Variants in KCNJ12 observed in about 807,000 individuals in gnomAD.
KCNJ12 encodes ATP-sensitive inward rectifier potassium channel 12.
In KCNJ12, 2 loss-of-function variants were observed where a neutral mutation model predicts 22.3. That is an observed-to-expected ratio of 0.09 (90% confidence interval 0.04 to 0.28). KCNJ12 has a LOEUF of 0.28. KCNJ12 is among the 10% of genes least tolerant of loss of function. The probability of loss-of-function intolerance (pLI) is 1.00; values close to 1 mark genes in which losing one functional copy is unlikely to be tolerated. For missense variants in KCNJ12, 155 were observed against 633.3 expected, an observed-to-expected ratio of 0.24 and a Z score of 8.11; for synonymous variants, 117 against 261.4, an observed-to-expected ratio of 0.45 and a Z score of 5.33.
intron 1 of KCNJ12, among the ~76,000 whole-genome samples, chr17:21,379,689 A>G (rs1180714003): frequency 6.7e-6 from 1 of 149,216 alleles, no homozygotes; most frequent in Non-Finnish European, 1.5e-5. Context: ...TGGCAGCGTG[A>G]TGGGGACACG....
rs149095815 is a variant in KCNJ12, at chr17:21,415,660, G to A, written c.318G>A (p.Ala106=). The change falls in exon 3 of 3, where the codon GCG becomes GCA. Residue 106 remains alanine, a synonymous_variant. Transcript: ENST00000583088. ...TCGGCATCATCTTCTGGGTCATCGC[G>A]GTGGCACACGGTGACCTGGAGCCGG... The part of the protein sequence containing the change: ...LLFGIIFWVI[A]VAHGDLEPAE... 1.2e-5 allele frequency: 20 copies of A among 1,613,224 alleles called. No homozygotes were observed. Among genetic ancestry groups the A allele is most frequent in the Middle Eastern group, 1.6e-4 (1 of 6,062 alleles).
intron 1 of KCNJ12, among the ~76,000 whole-genome samples, chr17:21,388,771 G>T (rs1417875134): frequency 6.6e-6 from 1 of 152,358 alleles, no homozygotes; most frequent in African/African-American, 2.4e-5. Flanking sequence ...AAGGAGTGGG[G>T]CTTGAGAGAT....
chr17:21,401,662 G>T (rs1280816498), intron 1 of KCNJ12, among the ~76,000 whole-genome samples: 1 of 152,242 alleles, frequency 6.6e-6, no homozygotes, highest in East Asian at 1.9e-4. Context: ...GAGTGGCCTT[G>T]GGTGGGCTGC....
At chr17:21,388,413 C>T (rs1597558692) in intron 1 of KCNJ12, among the ~76,000 whole-genome samples, 1 of 152,206 alleles carries the variant, frequency 6.6e-6, no homozygotes, top group African/African-American at 2.4e-5. Context: ...ATACCTGTGA[C>T]CCCCTTGCCA....
intron 1 of KCNJ12, among the ~76,000 whole-genome samples, chr17:21,400,653 G>T (rs1365624360): frequency 6.6e-6 from 1 of 152,312 alleles, no homozygotes; most frequent in Non-Finnish European, 1.5e-5. Context: ...CTGGCCCTGA[G>T]CTGGCAGGTG....
At chr17:21,411,062 C>T (rs1209405103) in intron 2 of KCNJ12, among the ~76,000 whole-genome samples, 4 of 152,312 alleles carry the variant, frequency 2.6e-5, no homozygotes, top group African/African-American at 9.6e-5. Flanking sequence ...GTGATGCAGG[C>T]GCCTGCACTC....
intron 1 of KCNJ12, among the ~76,000 whole-genome samples, chr17:21,397,914 T>G (rs1156353756): frequency 6.6e-6 from 1 of 152,154 alleles, no homozygotes; most frequent in Non-Finnish European, 1.5e-5. Flanking sequence ...CCCTCCCTTC[T>G]CCTTTTCTTC....
At position 21,387,487 on chromosome 17, in the gene KCNJ12, C is replaced by T. The variant is rs556982235; in HGVS notation, c.-179+10574C>T. Among the ~76,000 whole-genome samples the T allele has an allele frequency of 9.7e-4, 140 of 144,306 alleles. 1 individual carries two copies. The highest frequency in any genetic ancestry group is 1.1e-3 in the Non-Finnish European group (76 of 66,190). 94.7% of individuals were successfully genotyped at this position (144,306 alleles called of 152,430 possible). ...AAAAGAAACGTTCTCTTTTTTAGAACCATACTTTGGAGACATCGAGCGCTG... is the reference window on the plus strand; with the variant it reads ...AAAAGAAACGTTCTCTTTTTTAGAATCATACTTTGGAGACATCGAGCGCTG... On this transcript the variant is annotated intron_variant, in intron 1 of 2. Transcript: ENST00000583088.
At chr17:21,389,869 A>G (rs1217486662) in intron 1 of KCNJ12, among the ~76,000 whole-genome samples, 1 of 152,046 alleles carries the variant, frequency 6.6e-6, no homozygotes, top group East Asian at 1.9e-4. Flanking sequence ...GCAGGGAGCA[A>G]GACTTAAAGG....
At chr17:21,412,864 G>C (rs1483415113) in intron 2 of KCNJ12, among the ~76,000 whole-genome samples, 4 of 152,190 alleles carry the variant, frequency 2.6e-5, no homozygotes, top group African/African-American at 9.6e-5. Flanking sequence ...GTGTGGCCTG[G>C]GGGAAGTCAC....
chr17:21,404,047 T>A (rs1905788449), intron 1 of KCNJ12, among the ~76,000 whole-genome samples: 1 of 152,214 alleles, frequency 6.6e-6, no homozygotes. Flanking sequence ...CTGCACACGC[T>A]GAGCTTCCCT....
At chr17:21,405,289 A>C (rs1190402203) in intron 1 of KCNJ12, 1 of 152,260 alleles carries the variant, frequency 6.6e-6, no homozygotes, top group Non-Finnish European at 1.5e-5. Context: ...ACAGATACTG[A>C]AGCCAGGGCT....
chr17:21,396,641 T>C (rs1905376060), intron 1 of KCNJ12, among the ~76,000 whole-genome samples: 1 of 152,054 alleles, frequency 6.6e-6, no homozygotes, highest in African/African-American at 2.4e-5. Flanking sequence ...GCCGTCTTGG[T>C]TGGGGTGAGG....
In KCNJ12 at chr17:21,401,979, G is replaced by T. The variant is rs1461442714; in HGVS notation, c.-178-6540G>T. Among the ~76,000 whole-genome samples the T allele has an allele frequency of 2.6e-5, 4 of 152,362 alleles. No homozygotes were observed. The South Asian group carries it at 8.3e-4, about 32-fold the overall frequency. ...GAGAATGGGGAAGAGAGGGCCTTGG[G>T]TAGTGTCTGGCATGCAGCTTCCTCT... On this transcript the variant is annotated intron_variant, in intron 1 of 2. Transcript: ENST00000583088.
intron 1 of KCNJ12, among the ~76,000 whole-genome samples, chr17:21,406,148 C>A (rs1225584218): frequency 6.6e-6 from 1 of 152,304 alleles, no homozygotes; most frequent in Non-Finnish European, 1.5e-5. Context: ...AGAGTTCCAG[C>A]TCCAGGTGAC....
chr17:21,381,924 G>T (rs1411895844), intron 1 of KCNJ12, among the ~76,000 whole-genome samples: 1 of 152,230 alleles, frequency 6.6e-6, no homozygotes, highest in Non-Finnish European at 1.5e-5. Context: ...CAGGCCTGGT[G>T]CCTGACATGC....
chr17:21,389,327 C>G (rs1259618607), intron 1 of KCNJ12, among the ~76,000 whole-genome samples: 1 of 152,216 alleles, frequency 6.6e-6, no homozygotes, highest in Non-Finnish European at 1.5e-5. Context: ...TGAGCACTGT[C>G]GTGTGCTGGG....
chr17:21,377,743 G>T (rs1555557458), intron 1 of KCNJ12, among the ~76,000 whole-genome samples: 1 of 152,178 alleles, frequency 6.6e-6, no homozygotes, highest in Admixed American at 6.5e-5. Context: ...GCGTGCCCAT[G>T]TCATGTGAAT....
At chr17:21,414,277 C>A (rs1441410192) in intron 2 of KCNJ12, among the ~76,000 whole-genome samples, 31 of 152,228 alleles carry the variant, frequency 2.0e-4, no homozygotes, top group Admixed American at 2.0e-4. Context: ...GAGTTTGAGA[C>A]CAGCCTGGCC....
Sources: allele counts gnomAD v4.1 joint callset (sites outside exome capture counted in the v4.1 genomes callset), GRCh38; gene constraint gnomAD v4.1.1; transcripts MANE v1.5; gene names NCBI Gene and HGNC (gene_info 2026-07-23, HGNC 2026-07-21).